MYOM1: variants seen among roughly 807,000 people sequenced by gnomAD.
The protein encoded by MYOM1 is myomesin 1, also known as myomesin-1.
A neutral mutation model predicts 205.3 loss-of-function variants in MYOM1; 164 were observed. That is an observed-to-expected ratio of 0.80 (90% CI 0.70 to 0.91). The LOEUF (loss-of-function observed/expected upper bound fraction) is 0.91, where lower values mean the gene tolerates loss of function less well. Among genes scored for constraint, MYOM1 ranks in the 40% least tolerant of loss-of-function variants. The pLI is 0.00. For synonymous variants in MYOM1, 772 were observed against 789.4 expected (o/e 0.98, Z 0.37); for missense variants, 2,011 against 2,127.3 (o/e 0.95, Z 1.08).
At chr18:3,072,301 A>T (rs1203092653) in intron 36 of MYOM1, among the ~76,000 whole-genome samples, 1 of 145,522 alleles carries the variant, frequency 6.9e-6, no homozygotes, top group African/African-American at 2.6e-5. Flanking sequence ...CATCCACTTC[A>T]GCCTCTGAAA....
chr18:3,170,408 G>T (rs889345406), intron 8 of MYOM1, among the ~76,000 whole-genome samples: 5 of 151,988 alleles, frequency 3.3e-5, no homozygotes, highest in African/African-American at 1.2e-4. Flanking sequence ...CAACTACTAT[G>T]TATCCATAAA....
chr18:3,110,039 C>T (rs1347642958), intron 22 of MYOM1, among the ~76,000 whole-genome samples: 1 of 151,942 alleles, frequency 6.6e-6, no homozygotes, highest in African/African-American at 2.4e-5. Flanking sequence ...TTTCTCTTCC[C>T]CACAAAAAAT....
chr18:3,100,677 A>T (rs774557250), intron 23 of MYOM1, among the ~76,000 whole-genome samples: 2 of 152,170 alleles, frequency 1.3e-5, no homozygotes, highest in Non-Finnish European at 2.9e-5. Flanking sequence ...CACATGCCCA[A>T]GCTATGTTGC....
chr18:3,087,720 C>T (rs2079170321), intron 29 of MYOM1, among the ~76,000 whole-genome samples: 1 of 152,086 alleles, frequency 6.6e-6, no homozygotes. Context: ...GAAGTCCTGA[C>T]CTCAAGTGAT....
intron 2 of MYOM1, among the ~76,000 whole-genome samples, chr18:3,210,262 G>A (rs756051928): frequency 3.3e-5 from 5 of 152,170 alleles, no homozygotes; most frequent in South Asian, 2.1e-4. Context: ...GTGTTTGGTC[G>A]TCTCTATTTT....
intron 3 of MYOM1, among the ~76,000 whole-genome samples, chr18:3,190,984 A>C (rs189893476): frequency 2.0e-5 from 3 of 152,322 alleles, no homozygotes; most frequent in Admixed American, 1.3e-4. Flanking sequence ...TCGAAAAAAA[A>C]CTAATTATTT....
At chr18:3,114,858 CTT>C (rs2079582922) in intron 21 of MYOM1, among the ~76,000 whole-genome samples, 1 of 152,086 alleles carries the variant, frequency 6.6e-6, no homozygotes, top group Non-Finnish European at 1.5e-5. Context: ...CTCAGTCTCT[CTT>C]TCTCTCTCTG....
intron 7 of MYOM1, 54 bp downstream of exon 7, chr18:3,174,066 G>C: frequency 1.9e-6 from 3 of 1,604,642 alleles, no homozygotes; most frequent in Non-Finnish European, 1.7e-6. Context: ...ACCATGGGAA[G>C]AAATTTTTAA....
rs889711407 is a variant in MYOM1 at position 3,152,414 on chromosome 18, TAAG to T, written c.1644-524_1644-522del. On this transcript the variant is annotated intron_variant, in intron 11 of 37. Coordinates refer to ENST00000356443, the MANE Select transcript of MYOM1 (RefSeq NM_003803.4). The surrounding 1 kb of genome is among the most constrained non-coding windows in gnomAD (Gnocchi z 4.3). The stretch of plus-strand genomic sequence containing the variant: ...TGGTCATTCCATCCTGTGTAGAGGG[TAAG>T]AAGGTTATTGTGAAGATGTTTGTTT... Among the ~76,000 whole-genome samples, 7 of 152,010 alleles carry T rather than the reference TAAG, an allele frequency of 4.6e-5. No homozygotes were observed. The highest frequency in any genetic ancestry group is 1.7e-4 in the African/African-American group (7 of 41,362).
intron 33 of MYOM1, among the ~76,000 whole-genome samples, 194 bp downstream of exon 33, chr18:3,083,595 A>ATTTTTTTT (rs59299057): frequency 2.6e-4 from 28 of 107,110 alleles, no homozygotes; most frequent in African/African-American, 6.7e-4. Flanking sequence ...CGCCCAGCTC[A>ATTTTTTTT]TTTTTTTTTT....
intron 6 of MYOM1, among the ~76,000 whole-genome samples, chr18:3,174,468 T>C (rs536414680): frequency 5.6e-4 from 82 of 145,484 alleles, no homozygotes; most frequent in African/African-American, 2.1e-3. Context: ...GACCCTAGCC[T>C]GGGTTCATTT....
chr18:3,243,784 T>C, the MYOM1 span, among the ~76,000 whole-genome samples: 234 of 152,274 alleles, frequency 1.5e-3, 1 homozygote, highest in African/African-American at 5.3e-3. Flanking sequence ...GAAACGGAGG[T>C]AATAATGTCT....
the MYOM1 span, among the ~76,000 whole-genome samples, chr18:3,245,439 A>G: frequency 2.0e-5 from 3 of 152,218 alleles, no homozygotes; most frequent in Non-Finnish European, 4.4e-5. Flanking sequence ...AGATTATCAC[A>G]TGGAGGCAAA....
chr18:3,094,920 A>G (rs942349594), intron 25 of MYOM1, among the ~76,000 whole-genome samples: 1 of 151,798 alleles, frequency 6.6e-6, no homozygotes, highest in African/African-American at 2.4e-5. Context: ...TGGCCTCCCA[A>G]GGTGTTGGGA....
chr18:3,104,618 TG>T (rs2079426104), intron 22 of MYOM1, among the ~76,000 whole-genome samples: 3 of 152,150 alleles, frequency 2.0e-5, no homozygotes, highest in Non-Finnish European at 1.5e-5. Context: ...ACTTTTGTAG[TG>T]TAACACCTCA....
intron 25 of MYOM1, among the ~76,000 whole-genome samples, chr18:3,095,399 T>A (rs1350207973): frequency 6.6e-6 from 1 of 152,090 alleles, no homozygotes; most frequent in Non-Finnish European, 1.5e-5. Context: ...TGAAACCCCA[T>A]CTCTACTAAA....
At chr18:3,243,264 T>C in the MYOM1 span, among the ~76,000 whole-genome samples, 1 of 152,246 alleles carries the variant, frequency 6.6e-6, no homozygotes, top group East Asian at 1.9e-4. Flanking sequence ...TGCTAATTGT[T>C]ACATCATAAA....
In MYOM1 at chr18:3,079,347, G is replaced by A. The variant is rs773488151; in HGVS notation, c.4485-5C>T. 2.4e-5 allele frequency: 39 copies of A among 1,600,712 alleles called. No individual in the cohort carries two copies. The highest frequency in any genetic ancestry group is 3.3e-5 in the South Asian group (3 of 89,940). ...GAGTACCTAATGGCGGACCCACTGT[G>A]AAAATCGAAGAAAACTTCCTTAGCA... On this transcript the variant is annotated splice_region_variant and splice_polypyrimidine_tract_variant and intron_variant, in intron 33 of 37. Transcript: ENST00000356443.
chr18:3,085,102 C>A lies in MYOM1; in HGVS notation c.4282G>T (p.Val1428Phe), dbSNP rs764696085. ...TTTCCTCGGTCATCTTTCAGGATAACTTCATAAATCCCAGCATCTTTCTTG... is the reference window on the plus strand; with the variant it reads ...TTTCCTCGGTCATCTTTCAGGATAAATTCATAAATCCCAGCATCTTTCTTG... ...FSKKDAGIYEVILKDDRGKDK... is the reference protein window; with the variant it reads ...FSKKDAGIYEFILKDDRGKDK... Residue 1428 changes from valine to phenylalanine, a missense_variant, in exon 31 of 38, where the codon GTT becomes TTT. Physicochemically the swap from Val to Phe is conservative, Grantham distance 50. Transcript: ENST00000356443. 1.9e-6 allele frequency: 3 copies of A among 1,608,862 alleles called. No homozygotes were observed. In the South Asian group the frequency reaches 3.3e-5, roughly 18 times the overall value.
Sources: allele counts gnomAD v4.1 joint callset (sites outside exome capture counted in the v4.1 genomes callset), GRCh38; gene constraint gnomAD v4.1.1; non-coding constraint Gnocchi (gnomAD v3.1); transcripts MANE v1.5; gene names NCBI Gene and HGNC (gene_info 2026-07-23, HGNC 2026-07-21).